The following TMEM135 variants were observed in gnomAD, a reference collection of about 807,000 sequenced individuals.
TMEM135 encodes transmembrane protein 135.
In TMEM135, 30 loss-of-function variants were observed where a neutral mutation model predicts 60.3. The ratio of observed to expected loss-of-function variants is 0.50; its 90% CI spans 0.37 to 0.68. The LOEUF (loss-of-function observed/expected upper bound fraction) is 0.68. Ranked by LOEUF, TMEM135 falls within the 30% of genes least tolerant of loss-of-function variation. TMEM135 has a pLI of 0.00. For missense variants in TMEM135, 468 were observed against 548.8 expected, an observed-to-expected ratio of 0.85 and a Z score of 1.47; for synonymous variants, 190 against 186.7, an observed-to-expected ratio of 1.02 and a Z score of -0.14.
intron 5 of TMEM135, among the ~76,000 whole-genome samples, chr11:87,232,932 C>A (rs1450262987): frequency 6.6e-6 from 1 of 152,128 alleles, no homozygotes; most frequent in African/African-American, 2.4e-5. Context: ...GGGCAGATCA[C>A]CTGAGGTCAG....
intron 4 of TMEM135, among the ~76,000 whole-genome samples, chr11:87,139,044 T>G (rs1938192226): frequency 6.6e-6 from 1 of 152,212 alleles, no homozygotes; most frequent in Non-Finnish European, 1.5e-5. Flanking sequence ...TTAGTATTTC[T>G]GTTGCTTTCG....
chr11:87,085,634 G>A (rs749434364), intron 3 of TMEM135, among the ~76,000 whole-genome samples: 7 of 152,124 alleles, frequency 4.6e-5, no homozygotes, highest in African/African-American at 1.4e-4. Flanking sequence ...GTGTGTGCCT[G>A]TGGTGCTGGC....
intron 3 of TMEM135, among the ~76,000 whole-genome samples, chr11:87,085,720 G>T (rs970229126): frequency 1.3e-5 from 2 of 152,120 alleles, no homozygotes; most frequent in Non-Finnish European, 2.9e-5. Context: ...TTGAACCGCT[G>T]CACTCCAGCC....
At chr11:87,231,897 G>C (rs169971) in intron 5 of TMEM135, among the ~76,000 whole-genome samples, 53,923 of 151,514 alleles carry the variant, frequency 0.36, 11,718 homozygotes, top group Non-Finnish European at 0.49. Flanking sequence ...AAATATTAGT[G>C]AACCTGAAGA....
At chr11:87,064,436 C>T (rs1411543584) in intron 1 of TMEM135, among the ~76,000 whole-genome samples, 3 of 152,124 alleles carry the variant, frequency 2.0e-5, no homozygotes, top group Non-Finnish European at 4.4e-5. Flanking sequence ...AAAATACTGC[C>T]ATTGATACAG....
intron 5 of TMEM135, among the ~76,000 whole-genome samples, chr11:87,208,725 G>A (rs1940294285): frequency 6.6e-6 from 1 of 152,122 alleles, no homozygotes; most frequent in Admixed American, 6.5e-5. Context: ...ACCCCTGTGA[G>A]ATACTATGTA....
intron 12 of TMEM135, among the ~76,000 whole-genome samples, chr11:87,315,802 C>G (rs1451208723): frequency 2.0e-5 from 3 of 151,834 alleles, no homozygotes; most frequent in Non-Finnish European, 1.5e-5. Context: ...ACCCATGAGT[C>G]TTTATTTTTA....
intron 5 of TMEM135, among the ~76,000 whole-genome samples, chr11:87,166,113 A>G (rs911600116): frequency 6.6e-6 from 1 of 151,622 alleles, no homozygotes; most frequent in Non-Finnish European, 1.5e-5. Flanking sequence ...TTACCAACCA[A>G]ATGTCTTCTT....
intron 4 of TMEM135, among the ~76,000 whole-genome samples, chr11:87,117,169 A>G (rs141990397): frequency 1.3e-5 from 2 of 152,216 alleles, no homozygotes; most frequent in South Asian, 2.1e-4. Context: ...AAAAAAACTT[A>G]TAGCTACAAG....
At chr11:87,247,583 C>T (rs61906774) in intron 6 of TMEM135, among the ~76,000 whole-genome samples, 1 of 152,194 alleles carries the variant, frequency 6.6e-6, no homozygotes, top group African/African-American at 2.4e-5. Context: ...CCCAGCCTCG[C>T]TGCCACCTTG....
chr11:87,302,410 G>C lies in TMEM135; in HGVS notation c.666G>C (p.Met222Ile). ...AGGAAAAACCCGGAAGAATGAATAT[G>C]ATTGGTCTAGTCAGGAAATTTGTGG... ...QHEEKPGRMN[M>I]IGLVRKFVDS... The change falls in exon 8 of 15, where the codon ATG (methionine) becomes ATC (isoleucine). Residue 222 changes from methionine (M) to isoleucine (I), a missense_variant. By Grantham distance (10) the Met-to-Ile change is conservative (BLOSUM62 1). Coordinates refer to ENST00000305494, the MANE Select transcript of TMEM135 (RefSeq NM_022918.4). The C allele has an allele frequency of 1.2e-6, 2 of 1,613,830 alleles. No individual in the cohort carries two copies.
At chr11:87,245,137 C>T (rs1215506658) in intron 6 of TMEM135, among the ~76,000 whole-genome samples, 1 of 143,808 alleles carries the variant, frequency 7.0e-6, no homozygotes, top group Non-Finnish European at 1.5e-5. Context: ...GCAGGTTGTT[C>T]AGTTTCCATG....
intron 6 of TMEM135, among the ~76,000 whole-genome samples, chr11:87,246,873 A>C (rs1941289224): frequency 7.9e-6 from 1 of 126,074 alleles, no homozygotes; most frequent in South Asian, 2.7e-4. Flanking sequence ...TTCTCCGTCC[A>C]ACGTTGTTCC....
At chr11:87,200,999 A>G (rs1185597291) in intron 5 of TMEM135, among the ~76,000 whole-genome samples, 7 of 152,176 alleles carry the variant, frequency 4.6e-5, no homozygotes, top group Admixed American at 4.6e-4. Flanking sequence ...CTGAATATTA[A>G]TCCATGGTAT....
intron 1 of TMEM135, among the ~76,000 whole-genome samples, chr11:87,047,374 C>T (rs912646853): frequency 2.6e-5 from 4 of 151,448 alleles, no homozygotes; most frequent in Non-Finnish European, 5.9e-5. Flanking sequence ...ACGCAGAAGA[C>T]GGGTGATTTC....
intron 6 of TMEM135, among the ~76,000 whole-genome samples, chr11:87,239,266 T>A (rs1941077252): frequency 6.6e-6 from 1 of 152,068 alleles, no homozygotes; most frequent in Non-Finnish European, 1.5e-5. Context: ...GTTGTTTTTC[T>A]CCTAAAAGAA....
intron 6 of TMEM135, among the ~76,000 whole-genome samples, chr11:87,292,902 G>T (rs1942290971): frequency 6.6e-6 from 1 of 152,064 alleles, no homozygotes; most frequent in Non-Finnish European, 1.5e-5. Flanking sequence ...TGATGTTTTG[G>T]TTGGCAATTA....
intron 3 of TMEM135, among the ~76,000 whole-genome samples, chr11:87,074,488 A>G (rs1352824368): frequency 1.3e-5 from 2 of 152,218 alleles, no homozygotes; most frequent in Non-Finnish European, 2.9e-5. Flanking sequence ...TAAACTAAAG[A>G]TGCTTTAAAT....
chr11:87,156,449 G>A (rs115604224), intron 4 of TMEM135, among the ~76,000 whole-genome samples: 2,967 of 152,234 alleles, frequency 0.019, 90 homozygotes, highest in East Asian at 0.07. Context: ...ATCACTTTGG[G>A]TTGTATTGTC....
Sources: allele counts gnomAD v4.1 joint callset (sites outside exome capture counted in the v4.1 genomes callset), GRCh38; gene constraint gnomAD v4.1.1; transcripts MANE v1.5; gene names NCBI Gene and HGNC (gene_info 2026-07-23, HGNC 2026-07-21).